CDH19: variants seen among roughly 807,000 people sequenced by gnomAD.
CDH19 encodes cadherin-19.
Under a neutral mutation model 64.2 loss-of-function variants are expected in CDH19, and 67 were observed. The observed-to-expected ratio is 1.04, with a 90% CI of 0.86 to 1.28. The LOEUF is 1.28. CDH19 is among the 50% of genes most tolerant of loss of function. The pLI is 0.00. For missense variants in CDH19, 1,030 were observed against 929.0 expected, an observed-to-expected ratio of 1.11 and a Z score of -1.41; for synonymous variants, 346 against 319.3, an observed-to-expected ratio of 1.08 and a Z score of -0.89.
intron 5 of CDH19, among the ~76,000 whole-genome samples, chr18:66,545,118 A>G (rs981559537): frequency 2.0e-5 from 3 of 151,868 alleles, no homozygotes; most frequent in African/African-American, 7.3e-5. Flanking sequence ...AGCTGGGTCT[A>G]CAAGCGCCCA....
intron 3 of CDH19, among the ~76,000 whole-genome samples, chr18:66,556,006 A>T (rs1451789598): frequency 6.6e-6 from 1 of 151,760 alleles, no homozygotes; most frequent in Non-Finnish European, 1.5e-5. Flanking sequence ...TAGAGCCCCT[A>T]AGCTAGTACT....
At chr18:66,558,900 G>A (rs1987619040) in intron 3 of CDH19, among the ~76,000 whole-genome samples, 1 of 151,994 alleles carries the variant, frequency 6.6e-6, no homozygotes, top group Non-Finnish European at 1.5e-5. Context: ...TGTCATGTTT[G>A]AGTCATAGTG....
chr18:66,505,001 C>A lies in CDH19; in HGVS notation c.2130G>T (p.Pro710=). The A allele has an allele frequency of 6.2e-7, 1 of 1,613,576 alleles. No individual in the cohort carries two copies. The highest frequency in any genetic ancestry group is 8.5e-7 in the Non-Finnish European group (1 of 1,179,716). The part of the protein sequence containing the change: ...LEKLEEANTD[P]CAPPFDSLQT... ...GGAGGGAATCAAAAGGAGGGGCACA[C>A]GGATCAGTATTAGCTTCTTCGAGCT... Residue 710 remains proline, a synonymous_variant, in exon 12 of 12, where the codon CCG becomes CCT. Transcript: ENST00000262150.
Position 66,505,193 on chromosome 18 carries a change from A to C in CDH19, c.1938T>G (p.Gly646=), listed in dbSNP as rs750575938. ...ENIFQYDDEG[G]GEEDTEAFDI... ...CAAAGGCCTCTGTATCTTCTTCTCC[A>C]CCCCCTTCATCATCATATTGGAATA... The change falls in exon 12 of 12, where the codon GGT becomes GGG. Residue 646 remains glycine, a synonymous_variant. Transcript: ENST00000262150. The C allele has an allele frequency of 6.2e-7, 1 of 1,612,382 alleles. No homozygotes were observed.
intron 7 of CDH19, among the ~76,000 whole-genome samples, chr18:66,537,181 A>C (rs1369777805): frequency 6.6e-6 from 1 of 151,846 alleles, no homozygotes; most frequent in South Asian, 2.1e-4. Context: ...TTCCACTCAT[A>C]TTCTTCTTTT....
intron 8 of CDH19, among the ~76,000 whole-genome samples, chr18:66,531,977 G>A (rs1986460288): frequency 6.6e-6 from 1 of 152,166 alleles, no homozygotes; most frequent in East Asian, 1.9e-4. Context: ...ATTATATTGT[G>A]TAGGTTTATT....
chr18:66,511,065 G>A (rs1985458577), intron 10 of CDH19, among the ~76,000 whole-genome samples: 1 of 151,578 alleles, frequency 6.6e-6, no homozygotes, highest in Admixed American at 6.6e-5. Flanking sequence ...AAAGTTCTTT[G>A]GAACACTTAA....
chr18:66,508,278 CAA>C (rs1380435505), intron 11 of CDH19, among the ~76,000 whole-genome samples: 2 of 151,788 alleles, frequency 1.3e-5, no homozygotes, highest in African/African-American at 4.8e-5. Context: ...TCAAAAGACA[CAA>C]AGTTTCAGTT....
At chr18:66,554,883 G>A (rs1987463515) in intron 3 of CDH19, among the ~76,000 whole-genome samples, 2 of 151,668 alleles carry the variant, frequency 1.3e-5, no homozygotes, top group Non-Finnish European at 2.9e-5. Context: ...AAGGAACTTG[G>A]AAATGCTTTT....
intron 1 of CDH19, among the ~76,000 whole-genome samples, chr18:66,598,909 G>A (rs887043245): frequency 2.0e-5 from 3 of 151,944 alleles, no homozygotes; most frequent in Non-Finnish European, 4.4e-5. Context: ...TCAAAGACAT[G>A]CTATAAAAGG....
chr18:66,546,390 C>T (rs1225712446), intron 5 of CDH19, among the ~76,000 whole-genome samples: 1 of 152,050 alleles, frequency 6.6e-6, no homozygotes, highest in Non-Finnish European at 1.5e-5. Context: ...CTGTAGAAAA[C>T]AATTACATTG....
intron 9 of CDH19, among the ~76,000 whole-genome samples, chr18:66,513,051 G>A (rs1158180813): frequency 6.6e-6 from 1 of 151,346 alleles, no homozygotes; most frequent in East Asian, 1.9e-4. Flanking sequence ...GTTAGTCATA[G>A]GCATATGGAT....
At chr18:66,534,393 G>T (rs1452147481) in intron 8 of CDH19, among the ~76,000 whole-genome samples, 1 of 151,846 alleles carries the variant, frequency 6.6e-6, no homozygotes, top group Non-Finnish European at 1.5e-5. Context: ...GGAAAAGAGA[G>T]ATATCTGCTC....
At chr18:66,549,558 G>A (rs1987262254) in intron 5 of CDH19, among the ~76,000 whole-genome samples, 1 of 152,056 alleles carries the variant, frequency 6.6e-6, no homozygotes, top group African/African-American at 2.4e-5. Flanking sequence ...AGAGACGAAG[G>A]TGCAGACTCT....
rs143653756 is a variant in CDH19, at chr18:66,506,548, T to G, written c.1829-1246A>C. Reference sequence around the variant, plus strand: ...AAATTTCAGAAATTTCAAACTATCATGCATTTGAATCATAACACATTTGTC... The same window carrying G: ...AAATTTCAGAAATTTCAAACTATCAGGCATTTGAATCATAACACATTTGTC... On this transcript the variant is annotated intron_variant, in intron 11 of 11. Transcript: ENST00000262150. Among the ~76,000 whole-genome samples, 402 of 152,152 alleles carry G rather than the reference T, an allele frequency of 2.6e-3. 1 individual carries two copies. The highest frequency in any genetic ancestry group is 4.9e-3 in the Non-Finnish European group (334 of 67,950).
chr18:66,593,590 T>C (rs1232231454), intron 1 of CDH19, among the ~76,000 whole-genome samples: 1 of 151,998 alleles, frequency 6.6e-6, no homozygotes, highest in Non-Finnish European at 1.5e-5. Flanking sequence ...TATTAAAAAA[T>C]AAACTAGTGT....
intron 9 of CDH19, among the ~76,000 whole-genome samples, chr18:66,524,518 C>A (rs1986132412): frequency 2.2e-5 from 3 of 133,800 alleles, no homozygotes; most frequent in African/African-American, 5.5e-5. Context: ...AGCCATTTCA[C>A]AATATATGCG....
intron 9 of CDH19, among the ~76,000 whole-genome samples, chr18:66,523,358 A>G (rs1986074966): frequency 1.3e-5 from 2 of 152,176 alleles, no homozygotes; most frequent in East Asian, 1.9e-4. Flanking sequence ...CTCTGAGAAA[A>G]TATCAGAGGA....
At chr18:66,535,581 AAATCTGG>A (rs1156687142) in intron 7 of CDH19, among the ~76,000 whole-genome samples, 3 of 148,354 alleles carry the variant, frequency 2.0e-5, no homozygotes, top group East Asian at 1.9e-4. Context: ...AAGACTTCTG[AAATCTGG>A]AATCTGGAAT....
Sources: allele counts gnomAD v4.1 joint callset (sites outside exome capture counted in the v4.1 genomes callset), GRCh38; gene constraint gnomAD v4.1.1; transcripts MANE v1.5; gene names NCBI Gene and HGNC (gene_info 2026-07-23, HGNC 2026-07-21).